IFNGR2: variants seen among roughly 807,000 people sequenced by gnomAD.
IFNGR2 encodes the protein IFN-gamma receptor 2.
IFNGR2 carries 15 observed loss-of-function variants against 41.1 expected under a neutral mutation model. That is an observed-to-expected ratio of 0.37 (90% CI 0.24 to 0.56). IFNGR2 has a LOEUF of 0.56. Ranked by LOEUF, IFNGR2 falls within the 20% of genes least tolerant of loss-of-function variation. The pLI is 0.81. For missense variants in IFNGR2, 362 were observed against 415.7 expected (o/e 0.87, Z 1.12); for synonymous variants, 161 against 171.6 (o/e 0.94, Z 0.48).
At chr21:33,421,749 A>C (rs1403400441) in intron 3 of IFNGR2, 64 bp downstream of exon 3, 2 of 1,222,420 alleles carry the variant, frequency 1.6e-6, no homozygotes, top group African/African-American at 3.0e-5. Flanking sequence ...TGCGGTATCG[A>C]CTCCACACAC....
At chr21:33,408,350 C>T (rs1364103359) in intron 1 of IFNGR2, among the ~76,000 whole-genome samples, 2 of 152,052 alleles carry the variant, frequency 1.3e-5, no homozygotes, top group Non-Finnish European at 1.5e-5. Context: ...TATGCACCAC[C>T]GCACCTGGCT....
At chr21:33,423,071 T>G (rs2123351857) in intron 3 of IFNGR2, among the ~76,000 whole-genome samples, 1 of 136,904 alleles carries the variant, frequency 7.3e-6, no homozygotes, top group African/African-American at 2.8e-5. Flanking sequence ...ACGGAGTCTC[T>G]CTCTCTTGCC....
chr21:33,412,455 A>G (rs2083724123), intron 1 of IFNGR2, among the ~76,000 whole-genome samples: 1 of 152,208 alleles, frequency 6.6e-6, no homozygotes, highest in Non-Finnish European at 1.5e-5. Context: ...TCAGAGGCCA[A>G]AAATGTGCTT....
chr21:33,428,641 C>G (rs1453789249), intron 4 of IFNGR2, among the ~76,000 whole-genome samples: 1 of 152,192 alleles, frequency 6.6e-6, no homozygotes, highest in Non-Finnish European at 1.5e-5. Flanking sequence ...AGCTCAAGAT[C>G]TGGGTCGATT....
rs776152316 is a variant in IFNGR2, at chr21:33,432,274, A to C, written c.659A>C (p.Lys220Thr). 4.3e-6 allele frequency: 7 copies of C among 1,614,192 alleles called. No homozygotes were observed. The highest frequency in any genetic ancestry group is 4.2e-6 in the Non-Finnish European group (5 of 1,179,982). Residue 220 changes from lysine (K) to threonine (T), a missense_variant, in exon 5 of 7, where the codon AAA becomes ACA. Physicochemically the swap from Lys to Thr is moderately conservative, Grantham distance 78 (BLOSUM62 -1). Transcript: ENST00000290219. ...LQVQAQLLWN[K>T]SNIFRVGHLS... ...GTCCAGGCACAACTGCTTTGGAACAAAAGTAACATCTTTAGAGTCGGGCAT... is the reference window on the plus strand; with the variant it reads ...GTCCAGGCACAACTGCTTTGGAACACAAGTAACATCTTTAGAGTCGGGCAT...
At chr21:33,423,805 G>GAATATA (rs2083814411) in intron 3 of IFNGR2, among the ~76,000 whole-genome samples, 1 of 148,882 alleles carries the variant, frequency 6.7e-6, no homozygotes, top group South Asian at 2.1e-4. Flanking sequence ...TGAGCCTGGG[G>GAATATA]AATATAGCAA....
intron 6 of IFNGR2, among the ~76,000 whole-genome samples, chr21:33,434,451 G>A (rs979452354): frequency 4.6e-5 from 7 of 152,190 alleles, no homozygotes; most frequent in Non-Finnish European, 4.4e-5. Context: ...GAACCCAGGA[G>A]GTGGAAGTTA....
intron 1 of IFNGR2, among the ~76,000 whole-genome samples, chr21:33,413,019 C>CCA (rs56772349): frequency 0.094 from 14,297 of 152,136 alleles, 898 homozygotes; most frequent in East Asian, 0.25. Context: ...GATGTCTGGG[C>CCA]GTCAGTTTCC....
Position 33,420,505 on chromosome 21 carries a change from C to A in IFNGR2, c.207-975C>A, listed in dbSNP as rs183025983. On this transcript the variant is annotated intron_variant, in intron 2 of 6. Transcript: ENST00000290219. The stretch of plus-strand genomic sequence containing the variant: ...TGGCAAGGTTTTCATATGGGTGAGA[C>A]AAATCCTCTTTGAATGGGCAGCTAT... Among the ~76,000 whole-genome samples, 162 of 152,254 alleles carry A rather than the reference C, an allele frequency of 1.1e-3. 3 individuals carry two copies. Among genetic ancestry groups the A allele is most frequent in the Admixed American group, 9.6e-3 (146 of 15,270 alleles).
In IFNGR2 at chr21:33,403,552, G is replaced by C. The variant is rs762420616; in HGVS notation, c.9G>C (p.Pro3=). Residue 3 remains proline, a synonymous_variant, in exon 1 of 7, where the codon CCG becomes CCC. Coordinates refer to ENST00000290219, the MANE Select transcript of IFNGR2 (RefSeq NM_005534.4). MR[P]TLLWSLLLLL... The stretch of plus-strand genomic sequence containing the variant: ...GCCGAGCGCCCGGGGCCATGCGACC[G>C]ACGCTGCTGTGGTCGCTGCTGCTGC... 1.1e-5 allele frequency: 15 copies of C among 1,328,252 alleles called. No individual in the cohort carries two copies. The highest frequency in any genetic ancestry group is 3.1e-5 in the African/African-American group (2 of 65,196). The allele number at this position is 1,328,252 out of a possible 1,614,324, so 82.3% of individuals were successfully genotyped here. A position where few individuals can be genotyped will look rare whatever the true frequency, so the allele number is the denominator to read the frequency against.
intron 2 of IFNGR2, among the ~76,000 whole-genome samples, chr21:33,418,159 C>T (rs1192046882): frequency 6.6e-6 from 1 of 152,100 alleles, no homozygotes; most frequent in Non-Finnish European, 1.5e-5. Context: ...TGGGTTCAAG[C>T]GATTCTCCTG....
In IFNGR2 at chr21:33,435,299, A is replaced by G. The variant is rs564422957; in HGVS notation, c.880-1529A>G. Among the ~76,000 whole-genome samples the G allele has an allele frequency of 1.3e-3, 202 of 152,220 alleles. 1 individual carries two copies. The highest frequency in any genetic ancestry group is 4.7e-3 in the African/African-American group (197 of 41,528). Reference sequence around the variant, plus strand: ...AGGGGTGGAGGAGTGCCTGAGACCAATGCTTGTGAACTTGCCCTCTTTTTC... The same window carrying G: ...AGGGGTGGAGGAGTGCCTGAGACCAGTGCTTGTGAACTTGCCCTCTTTTTC... On this transcript the variant is annotated intron_variant, in intron 6 of 6. Transcript: ENST00000290219.
intron 2 of IFNGR2, 45 bp downstream of exon 2, chr21:33,415,065 C>T: frequency 1.9e-6 from 3 of 1,611,420 alleles, no homozygotes; most frequent in Non-Finnish European, 2.5e-6. Flanking sequence ...GCTGTGGGGG[C>T]ATCGTGCGGA....
chr21:33,426,511 G>C (rs1033021858), intron 3 of IFNGR2, among the ~76,000 whole-genome samples: 1 of 151,976 alleles, frequency 6.6e-6, no homozygotes, highest in African/African-American at 2.4e-5. Flanking sequence ...GAGGTCAGGA[G>C]TTCGAGAACA....
At chr21:33,413,837 T>TC (rs2083733579) in intron 1 of IFNGR2, among the ~76,000 whole-genome samples, 1 of 137,010 alleles carries the variant, frequency 7.3e-6, no homozygotes, top group African/African-American at 2.8e-5. Context: ...TTTTTTTTTT[T>TC]TTTTTTTTTT....
chr21:33,414,407 G>A (rs892111850), intron 1 of IFNGR2, among the ~76,000 whole-genome samples: 15 of 152,222 alleles, frequency 9.9e-5, no homozygotes, highest in African/African-American at 3.6e-4. Context: ...ACATTTACCA[G>A]ACACTTCCTT....
chr21:33,426,803 A>AT, intron 3 of IFNGR2, 81 bp from the exon 4 acceptor site: 1 of 858,604 alleles, frequency 1.2e-6, no homozygotes, highest in East Asian at 2.8e-5. Flanking sequence ...ACATATATAT[A>AT]TAGCATTATA....
intron 2 of IFNGR2, among the ~76,000 whole-genome samples, chr21:33,421,159 C>T (rs923607024): frequency 5.9e-5 from 9 of 151,990 alleles, no homozygotes; most frequent in African/African-American, 2.2e-4. Context: ...TGGTGACACC[C>T]CATCTCTACT....
Position 33,421,700 on chromosome 21 carries a change from G to A in IFNGR2, c.412+15G>A, listed in dbSNP as rs1270993319. The A allele has an allele frequency of 3.8e-6, 6 of 1,593,716 alleles. No individual in the cohort carries two copies. Among genetic ancestry groups the A allele is most frequent in the Non-Finnish European group, 5.2e-6 (6 of 1,161,482 alleles). Reference sequence around the variant, plus strand: ...CTATCGGAATGGTAAGAGAACTTGAGTATAGAACTTCCTTTATACTTTCCA... The same window carrying A: ...CTATCGGAATGGTAAGAGAACTTGAATATAGAACTTCCTTTATACTTTCCA... On this transcript the variant is annotated intron_variant, in intron 3 of 6. Transcript: ENST00000290219.
Sources: allele counts gnomAD v4.1 joint callset (sites outside exome capture counted in the v4.1 genomes callset), GRCh38; gene constraint gnomAD v4.1.1; transcripts MANE v1.5; gene names NCBI Gene and HGNC (gene_info 2026-07-23, HGNC 2026-07-21).